CNTNAP3B: variants seen among roughly 807,000 people sequenced by gnomAD.
CNTNAP3B encodes contactin-associated protein-like 3B.
In CNTNAP3B, 25 loss-of-function variants were observed where a neutral mutation model predicts 108.9. The ratio of observed to expected loss-of-function variants is 0.23; its 90% confidence interval spans 0.17 to 0.32. CNTNAP3B has a LOEUF of 0.32. Among genes scored for constraint, CNTNAP3B ranks in the 10% least tolerant of loss-of-function variants. The pLI is 1.00. For synonymous variants in CNTNAP3B, 103 were observed against 473.4 expected (o/e 0.22, Z 10.16); for missense variants, 252 against 1,210.4 (o/e 0.21, Z 11.75).
chr9:42,095,854 C>A (rs1036533760), intron 2 of CNTNAP3B, among the ~76,000 whole-genome samples: 3 of 136,814 alleles, frequency 2.2e-5, no homozygotes, highest in Non-Finnish European at 3.1e-5. Context: ...CTTGGTAAAG[C>A]GGGGAGGGGA....
intron 13 of CNTNAP3B, among the ~76,000 whole-genome samples, chr9:41,940,800 G>A (rs1398864426): frequency 2.0e-5 from 3 of 152,104 alleles, no homozygotes; most frequent in African/African-American, 7.3e-5. Context: ...GGGCGACAGA[G>A]TGAGACTCCA....
chr9:41,918,084 G>A (rs1353079105), intron 18 of CNTNAP3B, among the ~76,000 whole-genome samples: 1 of 152,078 alleles, frequency 6.6e-6, no homozygotes, highest in African/African-American at 2.4e-5. Flanking sequence ...TTTCGTATGA[G>A]AGAGGGTTTA....
intron 7 of CNTNAP3B, chr9:41,994,575 G>A (rs1825861811): frequency 5.4e-6 from 2 of 372,470 alleles, no homozygotes; most frequent in Non-Finnish European, 9.5e-6. Flanking sequence ...TATGATCTCA[G>A]CAGGGTGCTG....
At chr9:41,997,390 G>T (rs1825919199) in intron 6 of CNTNAP3B, among the ~76,000 whole-genome samples, 178 bp downstream of exon 6, 1 of 152,204 alleles carries the variant, frequency 6.6e-6, no homozygotes, top group Non-Finnish European at 1.5e-5. Flanking sequence ...AGGTGGAAAA[G>T]ATGATCTATT....
chr9:42,103,243 G>C (rs576678973), intron 2 of CNTNAP3B, among the ~76,000 whole-genome samples: 1 of 146,884 alleles, frequency 6.8e-6, no homozygotes, highest in East Asian at 2.0e-4. Context: ...CCATATCTCT[G>C]CAACAAATGA....
intron 15 of CNTNAP3B, among the ~76,000 whole-genome samples, chr9:41,925,010 C>A (rs1256474762): frequency 2.0e-5 from 3 of 151,610 alleles, no homozygotes; most frequent in Admixed American, 6.6e-5. Flanking sequence ...CAGCAGCAGG[C>A]AGCAATGCTG....
chr9:42,095,724 G>C (rs1827885219), intron 2 of CNTNAP3B, among the ~76,000 whole-genome samples: 1 of 138,860 alleles, frequency 7.2e-6, no homozygotes, highest in Non-Finnish European at 1.5e-5. Flanking sequence ...CCAGTTAAGG[G>C]ATAAGCCTGT....
At chr9:42,075,835 A>ATTTTTT (rs1587251278) in intron 3 of CNTNAP3B, among the ~76,000 whole-genome samples, 2 of 46,714 alleles carry the variant, frequency 4.3e-5, no homozygotes, top group African/African-American at 1.3e-4. Flanking sequence ...TGTAATAAAT[A>ATTTTTT]CTTATTATTA....
intron 12 of CNTNAP3B, among the ~76,000 whole-genome samples, chr9:41,955,490 G>C (rs1331072324): frequency 5.9e-5 from 9 of 152,266 alleles, no homozygotes; most frequent in African/African-American, 2.2e-4. Context: ...ATTGGAACTG[G>C]AAAGGATCTT....
chr9:42,116,243 G>A (rs1828313945), intron 1 of CNTNAP3B, among the ~76,000 whole-genome samples: 1 of 135,562 alleles, frequency 7.4e-6, no homozygotes, highest in Non-Finnish European at 1.6e-5. Flanking sequence ...AACTTGAAAT[G>A]AAGGAAAAAA....
chr9:42,081,509 CA>C (rs1411349040), intron 2 of CNTNAP3B, among the ~76,000 whole-genome samples: 2 of 134,962 alleles, frequency 1.5e-5, no homozygotes, highest in Non-Finnish European at 3.1e-5. Context: ...AGCATATTAT[CA>C]TTTTTTATTT....
rs1462424814 is a variant in CNTNAP3B, at chr9:42,123,744, G to T, written c.85+5266C>A. On this transcript the variant is annotated intron_variant, in intron 1 of 23. Transcript: ENST00000377561. ...TCCACGGGATTTAGTTACAAAATAA[G>T]TTAAGGAACTACAAGTTATATATTT... 1.5e-5 allele frequency among the ~76,000 whole-genome samples: 2 copies of T among 137,862 alleles called. 1 individual carries two copies. The highest frequency in any genetic ancestry group is 1.5e-4 in the Admixed American group (2 of 13,692). 90.4% of individuals were successfully genotyped at this position (137,862 alleles called of 152,430 possible).
chr9:41,963,942 C>T (rs1244652632), intron 11 of CNTNAP3B, among the ~76,000 whole-genome samples: 2 of 151,960 alleles, frequency 1.3e-5, no homozygotes, highest in Admixed American at 6.6e-5. Context: ...TACATTAATA[C>T]TTTTACAATT....
intron 12 of CNTNAP3B, among the ~76,000 whole-genome samples, 182 bp downstream of exon 12, chr9:41,960,591 T>A (rs1296456775): frequency 6.6e-6 from 1 of 152,296 alleles, no homozygotes; most frequent in East Asian, 1.9e-4. Context: ...TTGCCTATAA[T>A]CCAACCCAGG....
At position 41,929,413 on chromosome 9, in the gene CNTNAP3B, C is replaced by G; in HGVS notation, c.2269G>C (p.Glu757Gln). Residue 757 changes from glutamate to glutamine, a missense_variant, in exon 15 of 24, where the codon GAG becomes CAG. Glu to Gln is a conservative substitution (Grantham distance 29). Coordinates refer to ENST00000377561, the MANE Select transcript of CNTNAP3B (RefSeq NM_001201380.3). Reference protein sequence around the residue: ...TSDTIVLSQKEHLPVTQIVMT... With the variant: ...TSDTIVLSQKQHLPVTQIVMT... The stretch of plus-strand genomic sequence containing the variant: ...ACAATCTGAGTGACTGGGAGGTGCT[C>G]CTTTTGGGAAAGGACTATTGTGTCA... 6.5e-7 allele frequency: 1 copy of G among 1,538,708 alleles called. No individual in the cohort carries two copies. The highest frequency in any genetic ancestry group is 8.8e-7 in the Non-Finnish European group (1 of 1,136,712).
chr9:41,985,721 A>G (rs920651563), intron 9 of CNTNAP3B, among the ~76,000 whole-genome samples: 3 of 120,426 alleles, frequency 2.5e-5, no homozygotes, highest in Admixed American at 1.7e-4. Context: ...TCAATAGTAT[A>G]GATTTAGATG....
chr9:41,915,678 CA>C (rs1374142047), intron 18 of CNTNAP3B, among the ~76,000 whole-genome samples: 12 of 144,180 alleles, frequency 8.3e-5, no homozygotes, highest in Admixed American at 8.2e-4. Context: ...TTTTGTTTTT[CA>C]ATCATGAAAG....
chr9:42,096,661 T>C (rs1158618007), intron 2 of CNTNAP3B, among the ~76,000 whole-genome samples: 1 of 118,244 alleles, frequency 8.5e-6, no homozygotes, highest in Non-Finnish European at 1.8e-5. Context: ...AGAAAGTTTT[T>C]ATTTCCATTT....
intron 13 of CNTNAP3B, among the ~76,000 whole-genome samples, chr9:41,942,258 G>A (rs1824373224): frequency 6.6e-6 from 1 of 152,264 alleles, no homozygotes; most frequent in Non-Finnish European, 1.5e-5. Context: ...GGCAGATCAT[G>A]AGGTCAGGAG....
Sources: allele counts gnomAD v4.1 joint callset (sites outside exome capture counted in the v4.1 genomes callset), GRCh38; gene constraint gnomAD v4.1.1; transcripts MANE v1.5; gene names NCBI Gene and HGNC (gene_info 2026-07-23, HGNC 2026-07-21).